ZNF273: variants seen among roughly 807,000 people sequenced by gnomAD.
The protein encoded by ZNF273 is zinc finger protein 273.
In ZNF273, 11 loss-of-function variants were observed where a neutral mutation model predicts 14.9. That is an observed-to-expected ratio of 0.74 (90% CI 0.46 to 1.22). The LOEUF (loss-of-function observed/expected upper bound fraction) is 1.22, where lower values mean the gene tolerates loss of function less well. Ranked by LOEUF, ZNF273 falls within the 50% of genes most tolerant of loss-of-function variation. ZNF273 has a pLI of 0.00. For missense variants in ZNF273, 577 were observed against 660.6 expected (o/e 0.87, Z 1.39); for synonymous variants, 199 against 223.9 (o/e 0.89, Z 0.99).
chr7:64,890,221 T>TGTGTGTGTGTGTGTGTGTGTGA, downstream of ZNF273: 1 of 64,050 alleles, frequency 1.6e-5, no homozygotes, highest in East Asian at 4.0e-4. Context: ...TGTGTGTGTG[T>TGTGTGTGTGTGTGTGTGTGTGA]GAGAGAGAGA....
intron 1 of ZNF273, among the ~76,000 whole-genome samples, chr7:64,914,393 C>A (rs896758636): frequency 6.7e-6 from 1 of 149,332 alleles, no homozygotes; most frequent in Non-Finnish European, 1.5e-5. Context: ...ATTTTTATTT[C>A]TTTTACCTTG....
At chr7:64,903,204 C>T, upstream of ZNF273, 1 of 837,246 alleles carries the variant, frequency 1.2e-6, no homozygotes, top group Non-Finnish European at 1.9e-6. Context: ...GGACGCTGGG[C>T]TGGGACCCGT....
intron 1 of ZNF273, among the ~76,000 whole-genome samples, chr7:64,885,451 C>T (rs1446620441): frequency 1.3e-5 from 2 of 152,262 alleles, no homozygotes; most frequent in African/African-American, 4.8e-5. Context: ...ATTTGCTACT[C>T]ATTAAGTCAC....
intron 1 of ZNF273, chr7:64,888,210 T>G: frequency 2.7e-6 from 2 of 743,330 alleles, no homozygotes; most frequent in Non-Finnish European, 3.3e-6. Context: ...GAAGCCTGGC[T>G]GCTGCTGCTG....
At chr7:64,882,267 A>G (rs1424467959), downstream of ZNF273, among the ~76,000 whole-genome samples, 1 of 152,148 alleles carries the variant, frequency 6.6e-6, no homozygotes, top group Non-Finnish European at 1.5e-5. Flanking sequence ...GAGTCCCAAG[A>G]GCAGCTTTCA....
At chr7:64,901,410 A>C (rs1032503427), upstream of ZNF273, among the ~76,000 whole-genome samples, 1 of 152,208 alleles carries the variant, frequency 6.6e-6, no homozygotes, top group Admixed American at 6.5e-5. Flanking sequence ...TGGTGCAGAC[A>C]TGCTGATTTT....
chr7:64,885,146 C>T (rs1753975908), intron 1 of ZNF273, among the ~76,000 whole-genome samples: 1 of 152,240 alleles, frequency 6.6e-6, no homozygotes, highest in South Asian at 2.1e-4. Flanking sequence ...GCGTTGGACT[C>T]TTGCTCCTCT....
chr7:64,934,432 T>A (rs1353840549), downstream of ZNF273, among the ~76,000 whole-genome samples: 1 of 152,202 alleles, frequency 6.6e-6, no homozygotes, highest in Non-Finnish European at 1.5e-5. Context: ...CTATATTTTT[T>A]GTAGTAGTTT....
At chr7:64,900,733 C>T (rs866146817), upstream of ZNF273, among the ~76,000 whole-genome samples, 4 of 152,160 alleles carry the variant, frequency 2.6e-5, no homozygotes, top group Non-Finnish European at 5.9e-5. Context: ...TTTTTTGCAC[C>T]GTATACAAAT....
At chr7:64,906,362 T>C (rs28871650) in intron 1 of ZNF273, among the ~76,000 whole-genome samples, 63,166 of 151,864 alleles carry the variant, frequency 0.42, 13,315 homozygotes, top group South Asian at 0.45. Flanking sequence ...ATAAAAATTA[T>C]AAAATAATAC....
At chr7:64,904,711 C>G (rs2129057263) in intron 1 of ZNF273, among the ~76,000 whole-genome samples, 1 of 152,270 alleles carries the variant, frequency 6.6e-6, no homozygotes, top group South Asian at 2.1e-4. Context: ...CATTGGATAG[C>G]ACTTTAGAAA....
At chr7:64,890,430 T>C (rs1278376655), downstream of ZNF273, among the ~76,000 whole-genome samples, 3 of 152,024 alleles carry the variant, frequency 2.0e-5, no homozygotes, top group Non-Finnish European at 4.4e-5. Context: ...GCTGTTCCAA[T>C]AAGCCAGGGC....
At chr7:64,900,807 A>G (rs191560159), upstream of ZNF273, among the ~76,000 whole-genome samples, 36 of 152,130 alleles carry the variant, frequency 2.4e-4, no homozygotes, top group African/African-American at 8.2e-4. Context: ...TCTCAAGATC[A>G]TCTATAAAAC....
chr7:64,912,838 T>TG (rs1562959199), intron 1 of ZNF273, among the ~76,000 whole-genome samples: 1,209 of 99,982 alleles, frequency 0.012, 138 homozygotes, highest in African/African-American at 0.035. Context: ...TTTTTTTTTT[T>TG]TTTTTTTTGA....
chr7:64,890,233 A>AGAGAGAGAGAGC (rs1562950083), downstream of ZNF273: 1 of 74,220 alleles, frequency 1.3e-5, no homozygotes, highest in East Asian at 3.7e-4. Flanking sequence ...AGAGAGAGAG[A>AGAGAGAGAGAGC]GAGGGAATTC....
rs756759123 is a variant in ZNF273, at chr7:64,903,296, C to A, written c.-22C>A. 3 of 1,587,190 alleles carry A rather than the reference C, an allele frequency of 1.9e-6. No individual in the cohort carries two copies. Among genetic ancestry groups the A allele is most frequent in the East Asian group, 4.5e-5 (2 of 44,450 alleles). Reference sequence around the variant, plus strand: ...TTGTCTCTCGCTGCAGTCGCAGCTCCAGGTCTCGTCTTCACTGCTCTATGT... The same window carrying A: ...TTGTCTCTCGCTGCAGTCGCAGCTCAAGGTCTCGTCTTCACTGCTCTATGT... On this transcript the variant is annotated 5_prime_UTR_variant, in exon 1 of 4. Coordinates refer to ENST00000476120, the MANE Select transcript of ZNF273 (RefSeq NM_021148.3).
intron 3 of ZNF273, among the ~76,000 whole-genome samples, chr7:64,920,750 A>T: frequency 6.6e-6 from 1 of 152,230 alleles, no homozygotes; most frequent in African/African-American, 2.4e-5. Flanking sequence ...CTGGATCTCA[A>T]AGATTCTTTA....
At chr7:64,887,008 G>A (rs1231193686) in intron 1 of ZNF273, among the ~76,000 whole-genome samples, 9 of 152,118 alleles carry the variant, frequency 5.9e-5, no homozygotes, top group East Asian at 3.9e-4. Flanking sequence ...GGCTGGGCAC[G>A]ACACCAAGAA....
intron 1 of ZNF273, among the ~76,000 whole-genome samples, chr7:64,910,680 T>A (rs1345956049): frequency 1.3e-5 from 2 of 152,174 alleles, no homozygotes; most frequent in African/African-American, 4.8e-5. Flanking sequence ...TTGTTTGTTT[T>A]TGTTTCATAT....
Sources: gnomAD v4.1 joint callset for allele counts (sites outside exome capture counted in the v4.1 genomes callset) on GRCh38, gnomAD v4.1.1 for gene constraint, MANE v1.5 for transcripts, NCBI Gene and HGNC (gene_info 2026-07-23, HGNC 2026-07-21) for gene names.